Variants in NBAS observed in about 807,000 individuals in gnomAD.
NBAS encodes the protein NBAS subunit of NRZ tethering complex, also known as NAG/BC035112 fusion.
A neutral mutation model predicts 302.5 loss-of-function variants in NBAS; 219 were observed. The observed-to-expected ratio is 0.72, with a 90% CI of 0.65 to 0.81. The LOEUF (loss-of-function observed/expected upper bound fraction) is 0.81, where lower values mean the gene tolerates loss of function less well. Ranked by LOEUF, NBAS falls within the 30% of genes least tolerant of loss-of-function variation. The probability of loss-of-function intolerance (pLI) is 0.00; values close to 1 mark genes in which losing one functional copy is unlikely to be tolerated. For missense variants in NBAS, 2,932 were observed against 2,841.6 expected, an observed-to-expected ratio of 1.03 and a Z score of -0.72; for synonymous variants, 1,118 against 1,021.6, an observed-to-expected ratio of 1.09 and a Z score of -1.80.
chr2:15,034,014 A>AG, the NBAS span, among the ~76,000 whole-genome samples: 6 of 48,360 alleles, frequency 1.2e-4, no homozygotes, highest in African/African-American at 9.8e-4. Flanking sequence ...AAGAAGAAGA[A>AG]GAAGAAGAAG....
At chr2:14,813,014 C>T in the NBAS span, among the ~76,000 whole-genome samples, 29 of 152,252 alleles carry the variant, frequency 1.9e-4, no homozygotes, top group South Asian at 5.0e-3. Context: ...TATATGAAGA[C>T]GTGCTTGCCT....
the NBAS span, among the ~76,000 whole-genome samples, chr2:15,041,877 T>C: frequency 0.014 from 2,138 of 152,202 alleles, 24 homozygotes; most frequent in Non-Finnish European, 0.023. Context: ...CTCTACTACA[T>C]GGAAATAAGG....
At chr2:15,328,057 C>A in intron 37 of NBAS, 142 bp downstream of exon 37, 3 of 1,152,226 alleles carry the variant, frequency 2.6e-6, no homozygotes, top group Non-Finnish European at 2.5e-6. Context: ...ATAATATATA[C>A]CAAAAAAATG....
intron 8 of NBAS, among the ~76,000 whole-genome samples, chr2:15,535,868 T>C (rs913279797): frequency 7.2e-5 from 11 of 152,186 alleles, no homozygotes; most frequent in Non-Finnish European, 1.3e-4. Context: ...GCAAAACTAA[T>C]CTGTGATTTT....
chr2:15,259,547 T>C (rs1668757327), intron 44 of NBAS, among the ~76,000 whole-genome samples: 1 of 152,220 alleles, frequency 6.6e-6, no homozygotes, highest in African/African-American at 2.4e-5. Context: ...TCTCTGTCCC[T>C]TTGAGATGTA....
At chr2:15,007,638 C>G in the NBAS span, among the ~76,000 whole-genome samples, 2 of 152,180 alleles carry the variant, frequency 1.3e-5, no homozygotes, top group Non-Finnish European at 1.5e-5. Context: ...CTAATCTCAT[C>G]AGATTGTCAT....
At chr2:15,456,709 G>A (rs1003934877) in intron 21 of NBAS, among the ~76,000 whole-genome samples, 17 of 151,964 alleles carry the variant, frequency 1.1e-4, no homozygotes, top group African/African-American at 3.4e-4. Context: ...ATTTCAGAAG[G>A]GGAAACAGAC....
intron 28 of NBAS, among the ~76,000 whole-genome samples, chr2:15,393,403 A>T (rs1228645525): frequency 6.6e-6 from 1 of 152,104 alleles, no homozygotes; most frequent in Non-Finnish European, 1.5e-5. Flanking sequence ...AAACATACAG[A>T]TAGCAAATAA....
chr2:14,853,980 A>G, the NBAS span, among the ~76,000 whole-genome samples: 1 of 142,218 alleles, frequency 7.0e-6, no homozygotes, highest in East Asian at 2.1e-4. Context: ...CTAGATGACG[A>G]GTTAGTGGGT....
the NBAS span, among the ~76,000 whole-genome samples, chr2:14,818,655 A>C: frequency 6.6e-6 from 1 of 152,244 alleles, no homozygotes; most frequent in African/African-American, 2.4e-5. Context: ...AATTTGCGAC[A>C]GTCCTTACCG....
the NBAS span, among the ~76,000 whole-genome samples, chr2:15,101,221 A>C: frequency 6.6e-6 from 1 of 152,196 alleles, no homozygotes; most frequent in Non-Finnish European, 1.5e-5. Context: ...GTCAAGTAGT[A>C]AAATTTTAAA....
At chr2:14,898,932 G>A in the NBAS span, among the ~76,000 whole-genome samples, 1 of 152,122 alleles carries the variant, frequency 6.6e-6, no homozygotes, top group African/African-American at 2.4e-5. Context: ...CTACGTTTCT[G>A]TAGTTTGGGA....
the NBAS span, among the ~76,000 whole-genome samples, chr2:14,939,503 G>A: frequency 6.6e-6 from 1 of 152,304 alleles, no homozygotes; most frequent in Non-Finnish European, 1.5e-5. Flanking sequence ...TGTTTGAAAG[G>A]GTTGTAATAA....
At chr2:15,428,842 G>A (rs951580479) in intron 21 of NBAS, among the ~76,000 whole-genome samples, 18 of 151,802 alleles carry the variant, frequency 1.2e-4, no homozygotes, top group Admixed American at 4.6e-4. Context: ...AGCAGATCGA[G>A]ACCATCCTAG....
intron 35 of NBAS, among the ~76,000 whole-genome samples, chr2:15,331,181 C>T (rs949035638): frequency 6.6e-6 from 1 of 151,990 alleles, no homozygotes; most frequent in Non-Finnish European, 1.5e-5. Flanking sequence ...GCCACTGTGA[C>T]CCAGAAAGAA....
intron 38 of NBAS, among the ~76,000 whole-genome samples, chr2:15,317,267 G>A (rs1671558571): frequency 6.6e-6 from 1 of 152,108 alleles, no homozygotes; most frequent in Admixed American, 6.5e-5. Context: ...ATGACCAAAG[G>A]TAGATAAAAC....
At chr2:15,399,212 G>C (rs1572785008) in intron 26 of NBAS, among the ~76,000 whole-genome samples, 1 of 152,186 alleles carries the variant, frequency 6.6e-6, no homozygotes, top group East Asian at 1.9e-4. Flanking sequence ...GGAAGTCAGT[G>C]ATTTTGCCTG....
At position 15,223,898 on chromosome 2, in the gene NBAS, T is replaced by C. The variant is rs147378270; in HGVS notation, c.6237-4930A>G. On this transcript the variant is annotated intron_variant, in intron 47 of 51. Coordinates refer to ENST00000281513, the MANE Select transcript of NBAS (RefSeq NM_015909.4). ...CTCTCATAGTTTCACTACAAACACG[T>C]AGGGAATTGCTTCCACCTTTTTCCC... Among the ~76,000 whole-genome samples, 777 of 151,802 alleles carry C rather than the reference T, an allele frequency of 5.1e-3. 3 individuals carry two copies. The highest frequency in any genetic ancestry group is 0.013 in the South Asian group (60 of 4,766).
the NBAS span, among the ~76,000 whole-genome samples, chr2:15,043,591 T>C: frequency 6.6e-6 from 1 of 152,176 alleles, no homozygotes; most frequent in African/African-American, 2.4e-5. Flanking sequence ...CAGCATCACA[T>C]GCCTCCAAGT....
Sources: allele counts gnomAD v4.1 joint callset (sites outside exome capture counted in the v4.1 genomes callset), GRCh38; gene constraint gnomAD v4.1.1; transcripts MANE v1.5; gene names NCBI Gene and HGNC (gene_info 2026-07-23, HGNC 2026-07-21).